HEMK2: variants seen among roughly 807,000 people sequenced by gnomAD.
HEMK2 encodes HemK methyltransferase 2, ETF1 glutamine and histone H4 lysine.
chr21:28,749,582 A>G, the HEMK2 span, among the ~76,000 whole-genome samples: 5 of 152,204 alleles, frequency 3.3e-5, no homozygotes, highest in African/African-American at 1.2e-4. Flanking sequence ...CAAGAATCCA[A>G]TCAAGAAGTG....
the HEMK2 span, among the ~76,000 whole-genome samples, chr21:28,869,664 AG>A: frequency 6.6e-6 from 1 of 152,212 alleles, no homozygotes; most frequent in Non-Finnish European, 1.5e-5. Context: ...TAGAGGTTAC[AG>A]GCTGACTGTG....
chr21:28,663,945 A>G, the HEMK2 span, among the ~76,000 whole-genome samples: 1 of 152,244 alleles, frequency 6.6e-6, no homozygotes, highest in Non-Finnish European at 1.5e-5. Flanking sequence ...GCAAATTGAA[A>G]TAGACTAACA....
chr21:28,714,068 T>C, the HEMK2 span, among the ~76,000 whole-genome samples: 14 of 152,354 alleles, frequency 9.2e-5, no homozygotes, highest in East Asian at 1.9e-4. Flanking sequence ...GTAACAGTTA[T>C]AGAGTTGTCT....
At chr21:28,589,084 T>C in the HEMK2 span, among the ~76,000 whole-genome samples, 10 of 152,064 alleles carry the variant, frequency 6.6e-5, no homozygotes, top group South Asian at 2.1e-3. Flanking sequence ...ACTATATAAT[T>C]TCATTTATGT....
the HEMK2 span, among the ~76,000 whole-genome samples, chr21:28,636,005 C>T: frequency 1.3e-5 from 2 of 152,274 alleles, no homozygotes; most frequent in South Asian, 2.1e-4. Context: ...CGTTGCATTG[C>T]TTTATTAAAG....
the HEMK2 span, among the ~76,000 whole-genome samples, chr21:28,816,277 G>A: frequency 6.6e-6 from 1 of 152,048 alleles, no homozygotes; most frequent in African/African-American, 2.4e-5. Flanking sequence ...TTAACTACCA[G>A]GAAAAACAAA....
At chr21:28,666,544 T>C in the HEMK2 span, among the ~76,000 whole-genome samples, 22 of 152,132 alleles carry the variant, frequency 1.4e-4, no homozygotes, top group Non-Finnish European at 2.9e-5. Flanking sequence ...TTTCACACCA[T>C]GTTGAAGAGA....
the HEMK2 span, among the ~76,000 whole-genome samples, chr21:28,741,998 T>C: frequency 6.6e-6 from 1 of 152,174 alleles, no homozygotes; most frequent in Non-Finnish European, 1.5e-5. Context: ...GAGCCTTCTT[T>C]ACAGGGAAAG....
At chr21:28,692,019 A>G in the HEMK2 span, among the ~76,000 whole-genome samples, 1 of 152,126 alleles carries the variant, frequency 6.6e-6, no homozygotes. Context: ...CAAATGTTCT[A>G]CTCTTCTTTC....
the HEMK2 span, among the ~76,000 whole-genome samples, chr21:28,719,530 T>C: frequency 5.3e-5 from 8 of 152,228 alleles, no homozygotes; most frequent in Non-Finnish European, 1.2e-4. Context: ...TCCCCAGCCA[T>C]GCTGAACTGT....
At chr21:28,792,009 C>T in the HEMK2 span, among the ~76,000 whole-genome samples, 12,497 of 152,198 alleles carry the variant, frequency 0.082, 1,178 homozygotes, top group African/African-American at 0.22. Context: ...GATCTTTGAT[C>T]AACCCCACTG....
At chr21:28,627,166 T>C in the HEMK2 span, among the ~76,000 whole-genome samples, 8 of 152,122 alleles carry the variant, frequency 5.3e-5, no homozygotes, top group Non-Finnish European at 1.0e-4. Flanking sequence ...ATTCCGTATA[T>C]ATGAGATTCT....
the HEMK2 span, among the ~76,000 whole-genome samples, chr21:28,796,223 C>T: frequency 6.6e-6 from 1 of 152,150 alleles, no homozygotes; most frequent in Admixed American, 6.5e-5. Flanking sequence ...CAACCTCCGC[C>T]ACCCGCCCCA....
At chr21:28,813,375 C>T in the HEMK2 span, among the ~76,000 whole-genome samples, 1 of 151,614 alleles carries the variant, frequency 6.6e-6, no homozygotes, top group Non-Finnish European at 1.5e-5. Flanking sequence ...GAATAAAATA[C>T]CTAGGAATAC....
chr21:28,839,008 T>C, the HEMK2 span, among the ~76,000 whole-genome samples: 39 of 72,774 alleles, frequency 5.4e-4, no homozygotes, highest in African/African-American at 2.5e-3. Flanking sequence ...TATACATATA[T>C]ATACACAATC....
At chr21:28,847,699 C>G in the HEMK2 span, among the ~76,000 whole-genome samples, 3 of 152,124 alleles carry the variant, frequency 2.0e-5, no homozygotes, top group South Asian at 6.2e-4. Flanking sequence ...TTGCCATGGC[C>G]AATGTGCAAA....
the HEMK2 span, among the ~76,000 whole-genome samples, chr21:28,813,087 G>A: frequency 6.6e-6 from 1 of 152,090 alleles, no homozygotes; most frequent in East Asian, 1.9e-4. Context: ...ACACAGTATT[G>A]GAAGTTCCAG....
chr21:28,677,787 C>G, the HEMK2 span, among the ~76,000 whole-genome samples: 2 of 152,204 alleles, frequency 1.3e-5, no homozygotes, highest in Non-Finnish European at 2.9e-5. Context: ...AGGCAAACAG[C>G]GTCTGGAGTG....
the HEMK2 span, among the ~76,000 whole-genome samples, chr21:28,725,795 T>C: frequency 6.6e-6 from 1 of 152,208 alleles, no homozygotes; most frequent in East Asian, 1.9e-4. Flanking sequence ...CTAAAATAAT[T>C]TCAAAAGACA....
Sources: gnomAD v4.1 joint callset for allele counts (sites outside exome capture counted in the v4.1 genomes callset) on GRCh38, gnomAD v4.1.1 for gene constraint, MANE v1.5 for transcripts, NCBI Gene and HGNC (gene_info 2026-07-23, HGNC 2026-07-21) for gene names.